Variants in DLGAP2 observed in about 807,000 individuals in gnomAD.
The protein encoded by DLGAP2 is disks large-associated protein 2.
DLGAP2 carries 26 observed loss-of-function variants against 100.3 expected under a neutral mutation model. That is an observed-to-expected ratio of 0.26 (90% CI 0.19 to 0.36). DLGAP2 has a LOEUF of 0.36. Ranked by LOEUF, DLGAP2 falls within the 10% of genes least tolerant of loss-of-function variation. The pLI is 1.00. For synonymous variants in DLGAP2, 886 were observed against 630.1 expected (o/e 1.41, Z -6.08); for missense variants, 1,858 against 1,453.2 (o/e 1.28, Z -4.53).
intron 3 of DLGAP2, among the ~76,000 whole-genome samples, chr8:1,360,916 C>T (rs944279040): frequency 3.9e-5 from 6 of 152,204 alleles, no homozygotes; most frequent in African/African-American, 1.4e-4. Flanking sequence ...CGGTTTCTCG[C>T]CTCTCATCGC....
chr8:1,599,443 A>G (rs1338379954), intron 6 of DLGAP2, among the ~76,000 whole-genome samples: 1 of 152,062 alleles, frequency 6.6e-6, no homozygotes, highest in African/African-American at 2.4e-5. Flanking sequence ...TCATTGATCT[A>G]ATATTGACAG....
intron 2 of DLGAP2, among the ~76,000 whole-genome samples, chr8:1,097,512 T>A (rs6998503): frequency 8.0e-4 from 74 of 92,622 alleles, no homozygotes; most frequent in African/African-American, 1.9e-3. Context: ...CATGGAGAGG[T>A]CCCCTCCAGC....
At chr8:1,111,010 C>G (rs1452623750) in intron 2 of DLGAP2, among the ~76,000 whole-genome samples, 2 of 152,228 alleles carry the variant, frequency 1.3e-5, no homozygotes, top group East Asian at 1.9e-4. Flanking sequence ...TTTGAGCAGC[C>G]TCTCCTTGTG....
intron 3 of DLGAP2, among the ~76,000 whole-genome samples, chr8:1,373,291 G>A (rs111814964): frequency 6.7e-6 from 1 of 149,462 alleles, no homozygotes; most frequent in Admixed American, 6.7e-5. Context: ...GGAGGGTGTC[G>A]GGAGCAGGGG....
chr8:900,108 C>A (rs1426112642), intron 1 of DLGAP2, among the ~76,000 whole-genome samples: 1 of 152,134 alleles, frequency 6.6e-6, no homozygotes, highest in Non-Finnish European at 1.5e-5. Context: ...GGTGGGCGGC[C>A]TCCTCTTCAC....
At chr8:1,321,621 T>C (rs1563081992) in intron 3 of DLGAP2, among the ~76,000 whole-genome samples, 1 of 152,250 alleles carries the variant, frequency 6.6e-6, no homozygotes, top group Non-Finnish European at 1.5e-5. Flanking sequence ...GATACTTTTT[T>C]TCATTTTCAC....
intron 1 of DLGAP2, among the ~76,000 whole-genome samples, chr8:842,072 T>C (rs76270757): frequency 0.12 from 18,759 of 152,154 alleles, 1,335 homozygotes; most frequent in East Asian, 0.23. Flanking sequence ...CCATAATATA[T>C]TGGCATTGTC....
At chr8:939,965 C>T (rs1442807442) in intron 2 of DLGAP2, among the ~76,000 whole-genome samples, 4 of 151,926 alleles carry the variant, frequency 2.6e-5, no homozygotes, top group East Asian at 1.9e-4. Context: ...CTCCTGAGAG[C>T]GCACACCAGG....
chr8:1,323,924 C>T (rs1800964259), intron 3 of DLGAP2, among the ~76,000 whole-genome samples: 1 of 152,158 alleles, frequency 6.6e-6, no homozygotes. Context: ...TATGCTCTGC[C>T]TCATTCGGAA....
intron 2 of DLGAP2, among the ~76,000 whole-genome samples, chr8:926,217 T>G (rs2129002378): frequency 6.6e-6 from 1 of 152,252 alleles, no homozygotes; most frequent in East Asian, 1.9e-4. Flanking sequence ...ACTCCCTCCG[T>G]GGGCTCTCAT....
chr8:1,220,076 G>C (rs1398438019), intron 2 of DLGAP2, among the ~76,000 whole-genome samples: 1 of 151,964 alleles, frequency 6.6e-6, no homozygotes, highest in African/African-American at 2.4e-5. Context: ...TGGTTTTGTT[G>C]ATGTTTTGAA....
intron 2 of DLGAP2, among the ~76,000 whole-genome samples, chr8:1,066,879 T>C (rs906320007): frequency 2.0e-5 from 3 of 152,188 alleles, no homozygotes; most frequent in Admixed American, 2.0e-4. Flanking sequence ...TCCCAATTTC[T>C]TCTTAAGTCA....
chr8:764,166 C>T (rs1821152877), intron 1 of DLGAP2, among the ~76,000 whole-genome samples: 1 of 152,186 alleles, frequency 6.6e-6, no homozygotes, highest in Admixed American at 6.5e-5. Context: ...CAGGGCTCAG[C>T]ACCGTGCCGC....
chr8:1,064,927 A>G (rs973556018), intron 2 of DLGAP2, among the ~76,000 whole-genome samples: 4 of 152,168 alleles, frequency 2.6e-5, no homozygotes, highest in Non-Finnish European at 5.9e-5. Flanking sequence ...GGTGCATGGA[A>G]GAGCATTGCG....
At chr8:1,254,790 C>T (rs1331625127) in intron 2 of DLGAP2, among the ~76,000 whole-genome samples, 1 of 151,214 alleles carries the variant, frequency 6.6e-6, no homozygotes, top group African/African-American at 2.4e-5. Context: ...TTTAGCTTCC[C>T]TGGCCCACGC....
At chr8:1,387,989 A>G (rs1796257438) in intron 3 of DLGAP2, among the ~76,000 whole-genome samples, 1 of 152,228 alleles carries the variant, frequency 6.6e-6, no homozygotes, top group African/African-American at 2.4e-5. Flanking sequence ...GTGAGCAAAC[A>G]CGGTGGGCGC....
At chr8:1,619,413 T>C (rs1727073331) in intron 6 of DLGAP2, among the ~76,000 whole-genome samples, 1 of 152,270 alleles carries the variant, frequency 6.6e-6, no homozygotes, top group Admixed American at 6.5e-5. Flanking sequence ...TTTCACTGTC[T>C]ATCAATTTTC....
chr8:964,322 G>A lies in DLGAP2; in HGVS notation c.73+56356G>A, dbSNP rs748054440. On this transcript the variant is annotated intron_variant, in intron 2 of 14. Coordinates refer to ENST00000637795, the MANE Select transcript of DLGAP2 (RefSeq NM_001346810.2). ...GCTATTCCCGCATGTTTTTATGCACGCAGCCCTGGTGGCGCTGTACTGTCG... is the reference window on the plus strand; with the variant it reads ...GCTATTCCCGCATGTTTTTATGCACACAGCCCTGGTGGCGCTGTACTGTCG... Among the ~76,000 whole-genome samples, 72 of 152,324 alleles carry A rather than the reference G, an allele frequency of 4.7e-4. 1 individual carries two copies. Among genetic ancestry groups the A allele is most frequent in the African/African-American group, 1.7e-3 (70 of 41,572 alleles).
intron 2 of DLGAP2, among the ~76,000 whole-genome samples, chr8:979,282 A>G (rs1419054349): frequency 6.6e-6 from 1 of 152,240 alleles, no homozygotes; most frequent in African/African-American, 2.4e-5. Context: ...CTTTAAATAT[A>G]CTGACATCCG....
Sources: allele counts gnomAD v4.1 joint callset (sites outside exome capture counted in the v4.1 genomes callset), GRCh38; gene constraint gnomAD v4.1.1; transcripts MANE v1.5; gene names NCBI Gene and HGNC (gene_info 2026-07-23, HGNC 2026-07-21).